The following FRY variants were observed in gnomAD, a reference collection of about 807,000 sequenced individuals.
FRY encodes protein furry homolog.
FRY carries 128 observed loss-of-function variants against 348.4 expected under a neutral mutation model. The observed-to-expected ratio is 0.37, with a 90% CI of 0.32 to 0.43. FRY has a LOEUF of 0.43. Among genes scored for constraint, FRY ranks in the 20% least tolerant of loss-of-function variants. The pLI is 1.00. For missense variants in FRY, 2,736 were observed against 3,695.2 expected (o/e 0.74, Z 6.73); for synonymous variants, 1,370 against 1,374.7 (o/e 1.00, Z 0.08).
intron 15 of FRY, 112 bp from the exon 16 acceptor site, chr13:32,157,161 G>A (rs2138165429): frequency 1.0e-6 from 1 of 980,064 alleles, no homozygotes; most frequent in East Asian, 2.4e-5. Flanking sequence ...TTTTGCTCAA[G>A]GAAGTCATTG....
intron 49 of FRY, among the ~76,000 whole-genome samples, chr13:32,250,449 T>C (rs1887016532): frequency 6.6e-6 from 1 of 152,164 alleles, no homozygotes; most frequent in African/African-American, 2.4e-5. Flanking sequence ...TTGGCCCTTG[T>C]TTTCCCCTCC....
intron 55 of FRY, among the ~76,000 whole-genome samples, chr13:32,271,978 AC>A (rs1482856152): frequency 6.6e-6 from 1 of 152,004 alleles, no homozygotes; most frequent in Non-Finnish European, 1.5e-5. Flanking sequence ...TAAATCAATC[AC>A]CCTATGGAGC....
At chr13:32,115,793 T>G (rs184567327) in intron 3 of FRY, among the ~76,000 whole-genome samples, 63 of 152,088 alleles carry the variant, frequency 4.1e-4, no homozygotes, top group Middle Eastern at 3.4e-3. Flanking sequence ...AGCCTCCTTC[T>G]CCCTCTAGTG....
chr13:32,203,432 T>C lies in FRY; in HGVS notation c.4018+905T>C, dbSNP rs541047593. ...TAGGTAATGCAGAATTGCTAAAGAA[T>C]TGCATTTGTCAGGCCGGGCGTGGTG... is the stretch of plus-strand genomic sequence containing the variant. On this transcript the variant is annotated intron_variant, in intron 31 of 60. Coordinates refer to ENST00000542859, the MANE Select transcript of FRY (RefSeq NM_023037.3). Among the ~76,000 whole-genome samples the C allele has an allele frequency of 2.6e-5, 4 of 152,268 alleles. No homozygotes were observed. In the South Asian group the frequency reaches 6.2e-4, roughly 24 times the overall value.
intron 47 of FRY, among the ~76,000 whole-genome samples, chr13:32,245,542 A>G (rs1049876582): frequency 6.6e-6 from 1 of 152,144 alleles, no homozygotes; most frequent in African/African-American, 2.4e-5. Context: ...TGAGCCCAGG[A>G]GGTTGAGGTT....
At position 32,237,533 on chromosome 13, in the gene FRY, G is replaced by T. The variant is rs1886284216; in HGVS notation, c.5965G>T (p.Gly1989Cys). Residue 1989 changes from glycine (G) to cysteine (C), a missense_variant, in exon 44 of 61, where the codon GGT becomes TGT. By Grantham distance (159) the Gly-to-Cys change is radical. This residue lies in a region of FRY where 12 missense variants were observed against 38.6 expected (regional missense o/e 0.31). Transcript: ENST00000542859. The surrounding 1 kb of genome is among the most constrained non-coding windows in gnomAD (Gnocchi z 6.3). ...QRSFSVPKKFGVIDRSSDPPR... is the reference protein window; with the variant it reads ...QRSFSVPKKFCVIDRSSDPPR... ...AAGCTTCTCTGTGCCCAAGAAGTTT[G>T]GTGTCATCGACCGATCCTCTGACCC... 1.9e-6 allele frequency: 3 copies of T among 1,614,070 alleles called. No homozygotes were observed. Among genetic ancestry groups the T allele is most frequent in the Non-Finnish European group, 2.5e-6 (3 of 1,180,010 alleles).
intron 47 of FRY, among the ~76,000 whole-genome samples, chr13:32,246,161 T>C (rs1886786852): frequency 6.6e-6 from 1 of 152,234 alleles, no homozygotes. Flanking sequence ...GCGGGCGACG[T>C]CTGATACTTT....
At position 32,187,649 on chromosome 13, in the gene FRY, A is replaced by G. The variant is rs1883099913; in HGVS notation, c.3584A>G (p.Asp1195Gly). 1 of 1,577,018 alleles carries G rather than the reference A, an allele frequency of 6.3e-7. No homozygotes were observed. Among genetic ancestry groups the G allele is most frequent in the Admixed American group, 1.7e-5 (1 of 59,934 alleles). Reference sequence around the variant, plus strand: ...CTTGACAACATTCTGGCTTGTCAAGATTTACGAGTAAGTATAGGCAAAAAT... The same window carrying G: ...CTTGACAACATTCTGGCTTGTCAAGGTTTACGAGTAAGTATAGGCAAAAAT... ...KWLDNILACQ[D>G]LRVHQLGCEV... is the part of the protein sequence containing the mutation. Residue 1195 changes from aspartate (D) to glycine (G), a missense_variant, in exon 28 of 61, where the codon GAT becomes GGT. Physicochemically the swap from Asp to Gly is moderately conservative, Grantham distance 94. Around this residue, in one of 9 missense-constraint regions of FRY, gnomAD observed 794 missense variants for 977.0 expected, o/e 0.81. Coordinates refer to ENST00000542859, the MANE Select transcript of FRY (RefSeq NM_023037.3).
intron 11 of FRY, among the ~76,000 whole-genome samples, chr13:32,144,260 G>T (rs1261934793): frequency 1.4e-5 from 2 of 143,894 alleles, no homozygotes; most frequent in Non-Finnish European, 3.0e-5. Flanking sequence ...CTTCTAAAAA[G>T]CCAGGTTTTT....
At chr13:32,055,465 GGT>G (rs1181007940) in intron 1 of FRY, among the ~76,000 whole-genome samples, 1 of 152,098 alleles carries the variant, frequency 6.6e-6, no homozygotes, top group Non-Finnish European at 1.5e-5. Context: ...TCCAAACCTG[GGT>G]ACACATTGGA....
Position 32,131,787 on chromosome 13 carries a change from C to T in FRY, c.832C>T (p.Arg278Ter), listed in dbSNP as rs1176670983. The T allele has an allele frequency of 6.8e-6, 11 of 1,613,320 alleles. No individual in the cohort carries two copies. The highest frequency in any genetic ancestry group is 1.3e-5 in the African/African-American group (1 of 75,018). ...CTTAATAATGGGCATGAAATTCTTT[C>T]GAATTAAGATGTATCCAGTGGAGGA... ...ISLIMGMKFF[R>*]IKMYPVEDFE... is the part of the protein sequence containing the mutation. Residue 278 changes from arginine (R) to a stop codon, truncating the protein, a stop_gained, in exon 8 of 61, where the codon CGA becomes TGA. Coordinates refer to ENST00000542859, the MANE Select transcript of FRY (RefSeq NM_023037.3). LOFTEE classifies it high-confidence loss of function.
rs798971 is a variant in FRY, at chr13:32,184,697, A to G, written c.3146+6A>G. The stretch of plus-strand genomic sequence containing the variant: ...GCTGGTGTAATAAGTGACAGGTAGG[A>G]TCAGAATTCTACCGAGTTGCTCTCT... On this transcript the variant is annotated splice_donor_region_variant and intron_variant, in intron 25 of 60. Coordinates refer to ENST00000542859, the MANE Select transcript of FRY (RefSeq NM_023037.3). 1,152,454 of 1,508,548 alleles carry G rather than the reference A, an allele frequency of 0.76. 442,677 individuals carry two copies. Among genetic ancestry groups the G allele is most frequent in the East Asian group, 0.98 (43,611 of 44,306 alleles). 93.4% of individuals were successfully genotyped at this position (1,508,548 alleles called of 1,614,324 possible). A position where few individuals can be genotyped will look rare whatever the true frequency, so the allele number is the denominator to read the frequency against.
chr13:32,228,540 G>T lies in FRY; in HGVS notation c.5291G>T (p.Ser1764Ile), dbSNP rs1194178197. ...TCAAGCTCCACCTCCTCTAGCATCA[G>T]TCTGGGAGGCAGCAGTGGAAACCTC... The part of the protein sequence containing the change: ...LSSSSTSSSI[S>I]LGGSSGNLPQ... Residue 1764 changes from serine to isoleucine, a missense_variant, in exon 40 of 61, where the codon AGT becomes ATT. Around this residue, in one of 9 missense-constraint regions of FRY, gnomAD observed 794 missense variants for 977.0 expected, o/e 0.81. Coordinates refer to ENST00000542859, the MANE Select transcript of FRY (RefSeq NM_023037.3). 1 of 1,613,858 alleles carries T rather than the reference G, an allele frequency of 6.2e-7. No homozygotes were observed. The highest frequency in any genetic ancestry group is 8.5e-7 in the Non-Finnish European group (1 of 1,179,814).
chr13:32,268,254 G>T (rs751930221), intron 55 of FRY, among the ~76,000 whole-genome samples: 1 of 152,058 alleles, frequency 6.6e-6, no homozygotes, highest in African/African-American at 2.4e-5. Context: ...TAATTGGCAG[G>T]GGGAGGAGGT....
intron 1 of FRY, among the ~76,000 whole-genome samples, chr13:32,044,468 A>G (rs1004707345): frequency 1.3e-5 from 2 of 152,216 alleles, no homozygotes; most frequent in African/African-American, 4.8e-5. Flanking sequence ...CTTACATCCT[A>G]TTGAGGCAAA....
chr13:32,077,451 A>G (rs1299445258), intron 1 of FRY, among the ~76,000 whole-genome samples: 1 of 152,148 alleles, frequency 6.6e-6, no homozygotes, highest in African/African-American at 2.4e-5. Context: ...ATATTTTTGG[A>G]ATTGCGAGGC....
At chr13:32,283,030 G>T (rs1387548153) in intron 58 of FRY, among the ~76,000 whole-genome samples, 2 of 151,714 alleles carry the variant, frequency 1.3e-5, no homozygotes, top group East Asian at 1.9e-4. Context: ...AATCCCAGCT[G>T]CTCAGAAGGC....
chr13:32,157,144 A>G, intron 15 of FRY, 129 bp from the exon 16 acceptor site: 2 of 795,174 alleles, frequency 2.5e-6, no homozygotes, highest in Non-Finnish European at 4.3e-6. Context: ...ATTGAATCAG[A>G]CAGCCCTTTT....
intron 51 of FRY, among the ~76,000 whole-genome samples, chr13:32,256,569 G>A (rs11617972): frequency 0.014 from 2,135 of 152,086 alleles, 19 homozygotes; most frequent in Non-Finnish European, 0.022. Flanking sequence ...AGAAACTCAC[G>A]GGGCTGAGAG....
Sources: gnomAD v4.1 joint callset for allele counts (sites outside exome capture counted in the v4.1 genomes callset) on GRCh38, gnomAD v4.1.1 for gene constraint, gnomAD v4.1.1 regional missense constraint, Gnocchi (gnomAD v3.1) non-coding constraint, MANE v1.5 for transcripts, NCBI Gene and HGNC (gene_info 2026-07-23, HGNC 2026-07-21) for gene names.